Variants in GAS6 observed in about 807,000 individuals in gnomAD.
GAS6 encodes growth arrest specific 6, also known as growth arrest-specific protein 6.
In GAS6, 41 loss-of-function variants were observed where a neutral mutation model predicts 75.8. That is an observed-to-expected ratio of 0.54 (90% CI 0.42 to 0.70). The LOEUF is 0.70. Ranked by LOEUF, GAS6 falls within the 30% of genes least tolerant of loss-of-function variation. GAS6 has a pLI of 0.00. For synonymous variants in GAS6, 432 were observed against 412.6 expected (o/e 1.05, Z -0.57); for missense variants, 854 against 940.2 (o/e 0.91, Z 1.20).
chr13:113,842,440 A>G, intron 4 of GAS6: 1 of 395,336 alleles, frequency 2.5e-6, no homozygotes, highest in Non-Finnish European at 4.4e-6. Flanking sequence ...CTGCATCAGC[A>G]CAGCCGCCAG....
chr13:113,835,635 T>C lies in GAS6; in HGVS notation c.590A>G (p.Asp197Gly), dbSNP rs1228631825. 7 of 1,610,206 alleles carry C rather than the reference T, an allele frequency of 4.3e-6. No homozygotes were observed. Among genetic ancestry groups the C allele is most frequent in the Non-Finnish European group, 5.9e-6 (7 of 1,179,094 alleles). Residue 197 changes from aspartate (D) to glycine (G), a missense_variant and splice_region_variant, in exon 7 of 15, where the codon GAC (aspartate) becomes GGC (glycine). Transcript: ENST00000327773. ...CTCCGAGTCTGCGCACTCGTCTATG[T>C]CTGCAAGCAAAAAAAAACCGGCCAA... ...ELSSDGRTCQ[D>G]IDECADSEAC...
chr13:113,840,119 G>C (rs2051760605), intron 4 of GAS6: 1 of 461,294 alleles, frequency 2.2e-6, no homozygotes, highest in East Asian at 4.3e-5. Context: ...GGGAAGGGCT[G>C]AGGGCAAAGG....
chr13:113,858,407 T>C (rs2138665949), intron 2 of GAS6, among the ~76,000 whole-genome samples: 1 of 150,888 alleles, frequency 6.6e-6, no homozygotes, highest in Admixed American at 6.6e-5. Context: ...GACTGTGTGT[T>C]TACATATGTC....
chr13:113,826,188 C>T (rs965475402), intron 12 of GAS6, among the ~76,000 whole-genome samples: 1 of 152,212 alleles, frequency 6.6e-6, no homozygotes, highest in Non-Finnish European at 1.5e-5. Flanking sequence ...CTCCCTTTTT[C>T]AGGCCTAGGT....
At position 113,832,704 on chromosome 13, in the gene GAS6, A is replaced by G; in HGVS notation, c.883T>C (p.Leu295=). ...CCACTGAACATCCGGCCCAGGTACA[A>G]GGACTTCACACTCTTGGCCACGCTG... ...PFSVAKSVKS[L]YLGRMFSGTP... is the part of the protein sequence containing the mutation. The change falls in exon 9 of 15, where the codon TTG becomes CTG. Residue 295 remains leucine (L), a synonymous_variant. Transcript: ENST00000327773. 2 of 1,612,734 alleles carry G rather than the reference A, an allele frequency of 1.2e-6. No individual in the cohort carries two copies. Among genetic ancestry groups the G allele is most frequent in the Non-Finnish European group, 1.7e-6 (2 of 1,179,958 alleles).
rs1484073583 is a variant in GAS6 at position 113,834,575 on chromosome 13, C to G, written c.810G>C (p.Leu270=). The G allele has an allele frequency of 6.3e-7, 1 of 1,599,766 alleles. No homozygotes were observed. The highest frequency in any genetic ancestry group is 1.3e-5 in the African/African-American group (1 of 74,630). The change falls in exon 8 of 15, where the codon CTG becomes CTC. Residue 270 remains leucine, a synonymous_variant. Transcript: ENST00000327773. ...CCTCACAGGTGTCCATGTCCTGGGA[C>G]AGCTTGAGGCCCCCACGCCCGTCAC... is the stretch of plus-strand genomic sequence containing the variant. ...CHCDGRGGLK[L]SQDMDTCEDI...
intron 12 of GAS6, 121 bp downstream of exon 12, chr13:113,826,875 C>G (rs1008525446): frequency 4.3e-5 from 12 of 281,396 alleles, no homozygotes; most frequent in African/African-American, 9.4e-5. Context: ...ATCCCTGCCC[C>G]GGAACCGGAG....
rs903036341 is a variant in GAS6 at position 113,855,564 on chromosome 13, C to T, written c.256-7514G>A. ...TCCCTTGAAAGGATGGCTGCACCAT[C>T]GAGCATGACTCAACCCAAAGATCCA... On this transcript the variant is annotated intron_variant, in intron 2 of 14. Transcript: ENST00000327773. Among the ~76,000 whole-genome samples, 5 of 152,210 alleles carry T rather than the reference C, an allele frequency of 3.3e-5. No individual in the cohort carries two copies. The East Asian group carries it at 5.8e-4, about 18-fold the overall frequency.
At chr13:113,831,679 G>A (rs1018838182) in intron 10 of GAS6, among the ~76,000 whole-genome samples, 1 of 152,148 alleles carries the variant, frequency 6.6e-6, no homozygotes, top group Admixed American at 6.5e-5. Flanking sequence ...GCTGAAACGT[G>A]ATGAAATAGC....
intron 2 of GAS6, among the ~76,000 whole-genome samples, chr13:113,852,722 A>G (rs1251476530): frequency 2.0e-5 from 3 of 152,192 alleles, no homozygotes; most frequent in African/African-American, 7.2e-5. Context: ...AGCCACCCAC[A>G]GGGCAAAGGT....
At chr13:113,847,293 C>T (rs1049268437) in intron 3 of GAS6, among the ~76,000 whole-genome samples, 9 of 152,224 alleles carry the variant, frequency 5.9e-5, no homozygotes, top group Non-Finnish European at 1.0e-4. Context: ...AGTGCCAGAC[C>T]CACTGTGTTT....
chr13:113,826,469 G>A (rs1334904501), intron 12 of GAS6, among the ~76,000 whole-genome samples: 8 of 129,368 alleles, frequency 6.2e-5, no homozygotes, highest in African/African-American at 2.3e-4. Context: ...CGCCGGCCTC[G>A]CAGGCACCTT....
rs997400220 is a variant in GAS6 at position 113,848,755 on chromosome 13, A to G, written c.256-705T>C. Among the ~76,000 whole-genome samples the G allele has an allele frequency of 2.0e-5, 3 of 152,230 alleles. No individual in the cohort carries two copies. Among genetic ancestry groups the G allele is most frequent in the African/African-American group, 7.2e-5 (3 of 41,462 alleles). On this transcript the variant is annotated intron_variant, in intron 2 of 14. Transcript: ENST00000327773. This position sits in a 1 kb window ranked among gnomAD's most constrained non-coding sequence, Gnocchi z 4.8. ...CAAGAGACCACAGTCATGGCAGAAT[A>G]GTCCCAGCGGCCTCTCCATGCTGGG...
At chr13:113,830,881 C>T (rs2051622540) in intron 10 of GAS6, among the ~76,000 whole-genome samples, 1 of 152,262 alleles carries the variant, frequency 6.6e-6, no homozygotes, top group Non-Finnish European at 1.5e-5. Context: ...ATCCCTGAAA[C>T]TGCTTCTGCT....
In GAS6 at chr13:113,863,312, C is replaced by A. The variant is rs917702860; in HGVS notation, c.255+263G>T. 1.3e-5 allele frequency among the ~76,000 whole-genome samples: 2 copies of A among 152,136 alleles called. No individual in the cohort carries two copies. The highest frequency in any genetic ancestry group is 2.9e-5 in the Non-Finnish European group (2 of 68,012). On this transcript the variant is annotated intron_variant, in intron 2 of 14. Coordinates refer to ENST00000327773, the MANE Select transcript of GAS6 (RefSeq NM_000820.4). This position sits in a 1 kb window ranked among gnomAD's most constrained non-coding sequence, Gnocchi z 9.4. ...TTGTGTTTCTCTCGCACTTTGGAAA[C>A]GGACTCCCGGCTTCCCCGCGGGGAG...
rs1277854475 is a variant in GAS6, at chr13:113,863,370, C to A, written c.255+205G>T. On this transcript the variant is annotated intron_variant, in intron 2 of 14. Transcript: ENST00000327773. This position sits in a 1 kb window ranked among gnomAD's most constrained non-coding sequence, Gnocchi z 9.4. ...ACAGCGAGCGTTTCCCGGACAGCCC[C>A]GCAGCGTCTCACCGGCCTGCGCGGG... Among the ~76,000 whole-genome samples, 2 of 152,168 alleles carry A rather than the reference C, an allele frequency of 1.3e-5. No individual in the cohort carries two copies. The highest frequency in any genetic ancestry group is 4.8e-5 in the African/African-American group (2 of 41,454).
At chr13:113,835,897 G>T in intron 6 of GAS6, 1 of 1,309,012 alleles carries the variant, frequency 7.6e-7, no homozygotes, top group Non-Finnish European at 9.7e-7. Flanking sequence ...GCCCTGCTTG[G>T]TGGAGGGGTG....
At chr13:113,862,495 G>C (rs922081372) in intron 2 of GAS6, among the ~76,000 whole-genome samples, 2 of 152,190 alleles carry the variant, frequency 1.3e-5, no homozygotes, top group Non-Finnish European at 2.9e-5. Flanking sequence ...AAACAGAGAG[G>C]CCGGGGAGAG....
At chr13:113,839,655 G>T in intron 5 of GAS6, 73 bp downstream of exon 5, 1 of 1,571,102 alleles carries the variant, frequency 6.4e-7, no homozygotes. Context: ...CCCCGGAGTG[G>T]GAGTGAGGAG....
Sources: allele counts gnomAD v4.1 joint callset (sites outside exome capture counted in the v4.1 genomes callset), GRCh38; gene constraint gnomAD v4.1.1; non-coding constraint Gnocchi (gnomAD v3.1); transcripts MANE v1.5; gene names NCBI Gene and HGNC (gene_info 2026-07-23, HGNC 2026-07-21).